Variants in TRPM8 observed in about 807,000 individuals in gnomAD.
TRPM8 encodes the protein transient receptor potential cation channel subfamily M member 8, also known as TRPM8 cationic channel.
TRPM8 carries 110 observed loss-of-function variants against 133.7 expected under a neutral mutation model. That is an observed-to-expected ratio of 0.82 (90% confidence interval 0.70 to 0.96). TRPM8 has a LOEUF of 0.96. Among genes scored for constraint, TRPM8 ranks in the 40% least tolerant of loss-of-function variants. TRPM8 has a pLI of 0.00. For missense variants in TRPM8, 1,291 were observed against 1,379.5 expected (o/e 0.94, Z 1.02); for synonymous variants, 535 against 532.3 (o/e 1.01, Z -0.07).
chr2:233,981,615 G>A (rs111841550), intron 18 of TRPM8, among the ~76,000 whole-genome samples, 159 bp from the exon 19 acceptor site: 44 of 151,980 alleles, frequency 2.9e-4, no homozygotes, highest in African/African-American at 9.7e-4. Context: ...CCATGAAAGC[G>A]GAAGATCATG....
intron 22 of TRPM8, among the ~76,000 whole-genome samples, chr2:234,005,169 C>T (rs1692661959): frequency 6.6e-6 from 1 of 151,724 alleles, no homozygotes; most frequent in Non-Finnish European, 1.5e-5. Flanking sequence ...TGGCTGTCCC[C>T]CCTCCTCCAC....
At chr2:233,962,692 A>T (rs1160733265) in intron 12 of TRPM8, among the ~76,000 whole-genome samples, 1 of 152,234 alleles carries the variant, frequency 6.6e-6, no homozygotes. Context: ...TATGCATAAT[A>T]TGCCTCGTGC....
chr2:234,003,179 C>T (rs1170633329), intron 22 of TRPM8, among the ~76,000 whole-genome samples: 1 of 152,048 alleles, frequency 6.6e-6, no homozygotes, highest in Non-Finnish European at 1.5e-5. Flanking sequence ...AGCTGTGAGC[C>T]CCTGAAGTCT....
rs1197085204 is a variant in TRPM8, at chr2:233,927,811, C to T, written c.117+1157C>T. 1.0e-3 allele frequency among the ~76,000 whole-genome samples: 65 copies of T among 62,700 alleles called. 2 individuals are homozygous for T. Among genetic ancestry groups the T allele is most frequent in the Admixed American group, 2.1e-3 (12 of 5,710 alleles). The allele number at this position is 62,700 out of a possible 152,430, so 41.1% of individuals were successfully genotyped here. On this transcript the variant is annotated intron_variant, in intron 2 of 25. Transcript: ENST00000324695. ...CTTTCTTTTCTTTCCTTCCTTCCTT[C>T]CTTCCTTCCTTCCTTCCTTCCTTCC...
At chr2:233,972,920 T>A (rs1472562529) in intron 17 of TRPM8, among the ~76,000 whole-genome samples, 1 of 152,184 alleles carries the variant, frequency 6.6e-6, no homozygotes, top group Non-Finnish European at 1.5e-5. Context: ...GCTCCCACAG[T>A]GCAGCGGTGG....
intron 3 of TRPM8, among the ~76,000 whole-genome samples, chr2:233,931,201 G>C (rs552555282): frequency 2.0e-5 from 3 of 152,334 alleles, no homozygotes; most frequent in South Asian, 2.1e-4. Context: ...GAACATTAAG[G>C]CTGGGTTACA....
intron 14 of TRPM8, chr2:233,965,995 C>T (rs12185590): frequency 0.19 from 29,177 of 152,178 alleles, 5,772 homozygotes; most frequent in African/African-American, 0.5. Flanking sequence ...ATTACAGGCG[C>T]ATGCCACCAC....
At chr2:233,953,787 G>T in intron 9 of TRPM8, 130 bp from the exon 10 acceptor site, 1 of 629,448 alleles carries the variant, frequency 1.6e-6, no homozygotes, top group Non-Finnish European at 2.8e-6. Context: ...TTGCAATTCA[G>T]AAATGAGAAG....
chr2:233,957,895 C>T (rs28902172), intron 11 of TRPM8, among the ~76,000 whole-genome samples: 2,353 of 152,168 alleles, frequency 0.015, 49 homozygotes, highest in African/African-American at 0.051. Flanking sequence ...ACTGATCATC[C>T]GAAAATGGAG....
At chr2:233,988,821 G>T (rs1692209283) in intron 21 of TRPM8, among the ~76,000 whole-genome samples, 7 of 152,182 alleles carry the variant, frequency 4.6e-5, no homozygotes, top group Admixed American at 4.6e-4. Flanking sequence ...AGTCAGAGGG[G>T]CCAACATCTG....
chr2:233,986,008 G>A, intron 21 of TRPM8, 143 bp downstream of exon 21: 3 of 761,332 alleles, frequency 3.9e-6, no homozygotes, highest in South Asian at 3.8e-5. Flanking sequence ...ACTGGAGGGA[G>A]TGGGGCCTTT....
At chr2:233,959,703 A>G (rs1691384844) in intron 11 of TRPM8, among the ~76,000 whole-genome samples, 1 of 152,210 alleles carries the variant, frequency 6.6e-6, no homozygotes, top group African/African-American at 2.4e-5. Context: ...TAAAATTGTA[A>G]GAAATGCTAT....
chr2:233,974,023 GAC>G (rs1691801556), intron 17 of TRPM8, among the ~76,000 whole-genome samples: 1 of 152,162 alleles, frequency 6.6e-6, no homozygotes, highest in Non-Finnish European at 1.5e-5. Flanking sequence ...GGGACAAAAA[GAC>G]AGCATTCCCA....
chr2:233,938,208 A>C (rs1043712721), intron 4 of TRPM8, among the ~76,000 whole-genome samples: 51 of 152,162 alleles, frequency 3.4e-4, no homozygotes, highest in Middle Eastern at 3.4e-3. Context: ...GGACTCCCTA[A>C]ATGTAAAGCC....
At chr2:233,918,129 G>T (rs1205401167) in intron 1 of TRPM8, among the ~76,000 whole-genome samples, 1 of 152,042 alleles carries the variant, frequency 6.6e-6, no homozygotes, top group Non-Finnish European at 1.5e-5. Context: ...ATAAGGAAAT[G>T]GTTATTCCTT....
Position 233,930,748 on chromosome 2 carries a change from T to C in TRPM8, c.191+7T>C. The C allele has an allele frequency of 6.3e-7, 1 of 1,595,340 alleles. No individual in the cohort carries two copies. The highest frequency in any genetic ancestry group is 2.2e-5 in the East Asian group (1 of 44,572). On this transcript the variant is annotated splice_region_variant and intron_variant, in intron 3 of 25. Transcript: ENST00000324695. ...CCAAAGATTCCAAGGCCACGTAAGC[T>C]ACTATTTTCCCTCCAGTTTTGCTTT...
intron 2 of TRPM8, among the ~76,000 whole-genome samples, chr2:233,927,636 G>A (rs1691546061): frequency 6.6e-6 from 1 of 152,108 alleles, no homozygotes. Context: ...CAGTGACGAA[G>A]CACCTCTGGG....
chr2:234,003,325 A>G (rs777327636), intron 22 of TRPM8, among the ~76,000 whole-genome samples: 1 of 152,236 alleles, frequency 6.6e-6, no homozygotes, highest in Non-Finnish European at 1.5e-5. Flanking sequence ...GATCACACAT[A>G]TGTAATTGCT....
intron 25 of TRPM8, among the ~76,000 whole-genome samples, chr2:234,016,494 C>T (rs1692959114): frequency 6.6e-6 from 1 of 152,130 alleles, no homozygotes; most frequent in Non-Finnish European, 1.5e-5. Flanking sequence ...GAGGGTAATC[C>T]TTCCCTGGGG....
Sources: allele counts gnomAD v4.1 joint callset (sites outside exome capture counted in the v4.1 genomes callset), GRCh38; gene constraint gnomAD v4.1.1; transcripts MANE v1.5; gene names NCBI Gene and HGNC (gene_info 2026-07-23, HGNC 2026-07-21).